TPTE: variants seen among roughly 807,000 people sequenced by gnomAD.
TPTE encodes the protein putative tyrosine-protein phosphatase TPTE.
A neutral mutation model predicts 84.1 loss-of-function variants in TPTE; 59 were observed. The ratio of observed to expected loss-of-function variants is 0.70; its 90% CI spans 0.57 to 0.87. TPTE has a LOEUF of 0.87. Ranked by LOEUF, TPTE falls within the 40% of genes least tolerant of loss-of-function variation. The pLI is 0.00. For missense variants in TPTE, 382 were observed against 659.6 expected (o/e 0.58, Z 4.61); for synonymous variants, 130 against 223.5 (o/e 0.58, Z 3.73).
intron 8 of TPTE, among the ~76,000 whole-genome samples, chr21:10,558,057 AT>A (rs1180702496): frequency 6.6e-5 from 10 of 152,306 alleles, no homozygotes; most frequent in Non-Finnish European, 8.8e-5. Flanking sequence ...CTCCGGCTCC[AT>A]TGATGTTCCC....
chr21:10,542,562 TTCATC>T (rs2074389705), intron 6 of TPTE, 114 bp downstream of exon 6: 4 of 1,357,008 alleles, frequency 2.9e-6, no homozygotes, highest in South Asian at 2.5e-5. Context: ...CATCCATCCA[TTCATC>T]CATCCATCCA....
intron 3 of TPTE, among the ~76,000 whole-genome samples, chr21:10,533,301 C>A (rs1300923053): frequency 5.3e-5 from 8 of 152,304 alleles, no homozygotes; most frequent in Non-Finnish European, 8.8e-5. Flanking sequence ...TTTATTTTTT[C>A]TTACGACTCC....
chr21:10,556,396 T>A (rs1474966889), intron 8 of TPTE, among the ~76,000 whole-genome samples: 1 of 152,312 alleles, frequency 6.6e-6, no homozygotes. Flanking sequence ...GGCTGCTTAG[T>A]ATTCCATGGT....
Position 10,579,037 on chromosome 21 carries a change from T to C in TPTE, c.1027+432T>C, listed in dbSNP as rs1165836078. Among the ~76,000 whole-genome samples, 3 of 152,422 alleles carry C rather than the reference T, an allele frequency of 2.0e-5. No individual in the cohort carries two copies. The South Asian group carries it at 6.2e-4, about 32-fold the overall frequency. ...GTACAACATGATGTTTTGATATAGG[T>C]AAACATTGTGAAATGGCTAAATCAA... On this transcript the variant is annotated intron_variant, in intron 17 of 23. Transcript: ENST00000618007.
chr21:10,582,699 G>A (rs1210829435), intron 17 of TPTE, among the ~76,000 whole-genome samples: 1 of 152,420 alleles, frequency 6.6e-6, no homozygotes, highest in African/African-American at 2.4e-5. Context: ...TATTACATTT[G>A]GGTTGTTTCC....
chr21:10,570,028 G>A (rs1243233644), intron 13 of TPTE, among the ~76,000 whole-genome samples: 1 of 152,310 alleles, frequency 6.6e-6, no homozygotes, highest in Non-Finnish European at 1.5e-5. Context: ...TTATTTCTGA[G>A]TCCCAGGGAT....
At chr21:10,567,614 T>C (rs550036023) in intron 10 of TPTE, 56 bp from the exon 11 acceptor site, 57 of 1,599,330 alleles carry the variant, frequency 3.6e-5, no homozygotes, top group Non-Finnish European at 4.3e-5. Flanking sequence ...TCTTTAAATA[T>C]TCCTATCTCT....
chr21:10,573,589 G>A (rs367613679), intron 14 of TPTE, among the ~76,000 whole-genome samples: 2,485 of 148,460 alleles, frequency 0.017, no homozygotes, highest in African/African-American at 0.063. Flanking sequence ...CCAACACAAA[G>A]AATGATAAAT....
At chr21:10,575,894 C>T (rs2075140138) in intron 14 of TPTE, among the ~76,000 whole-genome samples, 1 of 152,190 alleles carries the variant, frequency 6.6e-6, no homozygotes, top group African/African-American at 2.4e-5. Flanking sequence ...GATACCATCT[C>T]ATGCCAGTCA....
At chr21:10,573,623 T>C (rs1471145417) in intron 14 of TPTE, among the ~76,000 whole-genome samples, 950 of 150,816 alleles carry the variant, frequency 6.3e-3, no homozygotes, top group African/African-American at 0.022. Context: ...GATATGCTGA[T>C]TATCCTGATT....
intron 8 of TPTE, among the ~76,000 whole-genome samples, chr21:10,554,652 T>C (rs2074643482): frequency 2.0e-5 from 3 of 152,310 alleles, no homozygotes; most frequent in Admixed American, 2.0e-4. Context: ...AATCCTCATG[T>C]AATCAAATGT....
chr21:10,595,544 G>A (rs376558886), intron 19 of TPTE, among the ~76,000 whole-genome samples: 268 of 151,520 alleles, frequency 1.8e-3, no homozygotes, highest in Middle Eastern at 0.01. Context: ...AGAGGGATGG[G>A]AAACCTGCTA....
At chr21:10,571,106 C>T (rs1329974210) in intron 14 of TPTE, among the ~76,000 whole-genome samples, 1 of 152,312 alleles carries the variant, frequency 6.6e-6, no homozygotes, top group Non-Finnish European at 1.5e-5. Context: ...TACCCCATAA[C>T]TAGCAAAGCC....
intron 3 of TPTE, among the ~76,000 whole-genome samples, chr21:10,530,547 G>C (rs1372667143): frequency 6.6e-6 from 1 of 152,308 alleles, no homozygotes; most frequent in Non-Finnish European, 1.5e-5. Flanking sequence ...ATGAAAAATT[G>C]CACAGCATGC....
At chr21:10,599,637 A>G (rs1424730931) in intron 21 of TPTE, among the ~76,000 whole-genome samples, 4 of 152,304 alleles carry the variant, frequency 2.6e-5, no homozygotes, top group African/African-American at 7.2e-5. Flanking sequence ...GCTCAACCAT[A>G]TTTTTCAACA....
chr21:10,566,214 C>G (rs1192432063), intron 10 of TPTE, among the ~76,000 whole-genome samples: 1 of 152,306 alleles, frequency 6.6e-6, no homozygotes, highest in Non-Finnish European at 1.5e-5. Flanking sequence ...ATAGGCATTT[C>G]TCAAAATATA....
At chr21:10,553,873 T>C (rs2074627580) in intron 8 of TPTE, among the ~76,000 whole-genome samples, 1 of 152,304 alleles carries the variant, frequency 6.6e-6, no homozygotes, top group East Asian at 1.9e-4. Flanking sequence ...ATTTAAAAAA[T>C]TAGTAATAAA....
At chr21:10,566,395 T>TA (rs1568978217) in intron 10 of TPTE, among the ~76,000 whole-genome samples, 1 of 152,308 alleles carries the variant, frequency 6.6e-6, no homozygotes. Context: ...AGAACCCTCA[T>TA]ACACTGTTCA....
At chr21:10,585,049 T>A (rs374870639) in intron 17 of TPTE, among the ~76,000 whole-genome samples, 166 of 152,124 alleles carry the variant, frequency 1.1e-3, no homozygotes, top group Middle Eastern at 6.8e-3. Flanking sequence ...CTAGGCAACA[T>A]GGTGAAACCC....
Sources: gnomAD v4.1 joint callset for allele counts (sites outside exome capture counted in the v4.1 genomes callset) on GRCh38, gnomAD v4.1.1 for gene constraint, MANE v1.5 for transcripts, NCBI Gene and HGNC (gene_info 2026-07-23, HGNC 2026-07-21) for gene names.